Variants in MAP7D3 observed in about 807,000 individuals in gnomAD.
The protein encoded by MAP7D3 is MAP7 domain-containing protein 3.
In MAP7D3, 45 loss-of-function variants were observed where a neutral mutation model predicts 62.2. The observed-to-expected ratio is 0.72, with a 90% CI of 0.57 to 0.93. MAP7D3 has a LOEUF of 0.93. Among genes scored for constraint, MAP7D3 ranks in the 40% least tolerant of loss-of-function variants. The probability of loss-of-function intolerance (pLI) is 0.00; values close to 1 mark genes in which losing one functional copy is unlikely to be tolerated. For missense variants in MAP7D3, 711 were observed against 683.1 expected, an observed-to-expected ratio of 1.04 and a Z score of -0.45; for synonymous variants, 288 against 248.8, an observed-to-expected ratio of 1.16 and a Z score of -1.48.
At chrX:136,236,676 T>C (rs1360121273) in intron 6 of MAP7D3, among the ~76,000 whole-genome samples, 2 of 112,148 alleles carry the variant, frequency 1.8e-5, no homozygotes, top group African/African-American at 3.2e-5. Flanking sequence ...TTTTGTTATA[T>C]ATGCATATAT....
At chrX:136,253,047 G>A (rs1204960088), upstream of MAP7D3, among the ~76,000 whole-genome samples, 2 of 110,069 alleles carry the variant, frequency 1.8e-5, no homozygotes, top group South Asian at 3.9e-4. Flanking sequence ...GCAGTGAGCC[G>A]AGAGCTGCCA....
chrX:136,230,720 CT>C, intron 9 of MAP7D3, 118 bp downstream of exon 9: 2 of 928,460 alleles, frequency 2.2e-6, no homozygotes, highest in Non-Finnish European at 3.0e-6. Context: ...TTTTTACAGG[CT>C]TTTTTCCCTT....
chrX:136,244,098 G>A (rs150270617), intron 4 of MAP7D3, among the ~76,000 whole-genome samples: 18 of 111,648 alleles, frequency 1.6e-4, no homozygotes, highest in African/African-American at 5.2e-4. Flanking sequence ...GGAATGTGAG[G>A]AACACGGAGA....
intron 6 of MAP7D3, among the ~76,000 whole-genome samples, chrX:136,237,541 T>C (rs975464558): frequency 8.9e-6 from 1 of 112,331 alleles, no homozygotes; most frequent in Non-Finnish European, 1.9e-5. Context: ...TCATTAATTA[T>C]AGCATTCATC....
At chrX:136,241,465 T>C (rs528142905) in intron 4 of MAP7D3, among the ~76,000 whole-genome samples, 188 bp from the exon 5 acceptor site, 3 of 112,215 alleles carry the variant, frequency 2.7e-5, no homozygotes, top group African/African-American at 9.7e-5. Context: ...TTTTATCTTA[T>C]GGACCTTGCA....
At chrX:136,224,938 T>C in intron 13 of MAP7D3, 58 bp from the exon 14 acceptor site, 3 of 818,367 alleles carry the variant, frequency 3.7e-6, no homozygotes, top group Non-Finnish European at 5.4e-6. Context: ...CAAACAGTTG[T>C]CCTAAAGGAG....
chrX:136,215,447 G>A (rs965728230), downstream of MAP7D3, among the ~76,000 whole-genome samples: 1 of 111,911 alleles, frequency 8.9e-6, no homozygotes, highest in African/African-American at 3.3e-5. Flanking sequence ...AATGTCTGAC[G>A]GTCTGTCACT....
chrX:136,217,569 G>C lies in MAP7D3; in HGVS notation c.*957C>G, dbSNP rs2074074715. On this transcript the variant is annotated 3_prime_UTR_variant, in exon 19 of 19. Transcript: ENST00000316077. Reference sequence around the variant, plus strand: ...GCCTGTGTACTCACTGGCACAGATGGGTAGAGTTAAAAATATACATATATC... The same window carrying C: ...GCCTGTGTACTCACTGGCACAGATGCGTAGAGTTAAAAATATACATATATC... The C allele has an allele frequency of 8.9e-6, 1 of 111,784 alleles. No individual in the cohort carries two copies. Among genetic ancestry groups the C allele is most frequent in the Admixed American group, 9.5e-5 (1 of 10,523 alleles). 9.2% of individuals were successfully genotyped at this position (111,784 alleles called of 1,213,427 possible).
intron 12 of MAP7D3, among the ~76,000 whole-genome samples, chrX:136,226,744 G>A (rs1032546521): frequency 1.8e-5 from 2 of 111,908 alleles, no homozygotes; most frequent in African/African-American, 3.3e-5. Context: ...GCTGTTTTCT[G>A]CTTATTTCAC....
At chrX:136,216,016 C>T (rs1177517598), downstream of MAP7D3, among the ~76,000 whole-genome samples, 4 of 111,038 alleles carry the variant, frequency 3.6e-5, no homozygotes, top group Admixed American at 9.6e-5. Context: ...TGAATATACA[C>T]TTTAAAATGG....
At position 136,228,689 on chromosome X, in the gene MAP7D3, C is replaced by T. The variant is rs539743928; in HGVS notation, c.1820G>A (p.Arg607His). 2.0e-5 allele frequency: 24 copies of T among 1,205,477 alleles called. No individual in the cohort carries two copies. In the South Asian group the frequency reaches 2.1e-4, roughly 11 times the overall value. The change falls in exon 11 of 19, where the codon CGC (arginine) becomes CAC (histidine). Residue 607 changes from arginine to histidine, a missense_variant. Physicochemically the swap from Arg to His is conservative, Grantham distance 29. Coordinates refer to ENST00000316077, the MANE Select transcript of MAP7D3 (RefSeq NM_024597.4). The part of the protein sequence containing the change: ...EAATKILTEL[R>H]RLAREQREKE... ...TTCTCTTTGTTCACGAGCAAGGCGG[C>T]GCAATTCTGTCAAAATTTTTGTTGC...
At chrX:136,240,540 T>C in intron 5 of MAP7D3, 54 bp from the exon 6 acceptor site, 1 of 822,712 alleles carries the variant, frequency 1.2e-6, no homozygotes, top group Non-Finnish European at 1.8e-6. Context: ...GAAAGAATCA[T>C]TAACTGAAAA....
intron 12 of MAP7D3, 102 bp downstream of exon 12, chrX:136,227,182 T>C (rs1052748707): frequency 1.6e-6 from 1 of 636,919 alleles, no homozygotes; most frequent in Non-Finnish European, 2.4e-6. Context: ...CCAGAGAATC[T>C]GCTCATGTCT....
In MAP7D3 at chrX:136,237,093, T is replaced by C. The variant is rs777624370; in HGVS notation, c.641-754A>G. Among the ~76,000 whole-genome samples the C allele has an allele frequency of 1.4e-4, 16 of 112,833 alleles. 1 individual carries two copies. The South Asian group carries it at 5.4e-3, about 38-fold the overall frequency. ...ACCAAGGAGAAATAATCTGCTTCCA[T>C]GTAGACACTTTCATTTCACTTGAGA... On this transcript the variant is annotated intron_variant, in intron 6 of 18. Transcript: ENST00000316077.
intron 1 of MAP7D3, among the ~76,000 whole-genome samples, chrX:136,246,914 T>C (rs1342029424): frequency 8.9e-6 from 1 of 112,061 alleles, no homozygotes; most frequent in African/African-American, 3.2e-5. Context: ...AACTCACTTT[T>C]AGAAAATCAG....
At chrX:136,251,882 G>T (rs982254972), upstream of MAP7D3, among the ~76,000 whole-genome samples, 1 of 111,717 alleles carries the variant, frequency 9.0e-6, no homozygotes, top group Non-Finnish European at 1.9e-5. Context: ...GCCCCATCAT[G>T]AGTAGGCTTC....
chrX:136,239,779 G>A (rs1323642244), intron 6 of MAP7D3, among the ~76,000 whole-genome samples: 1 of 112,386 alleles, frequency 8.9e-6, no homozygotes, highest in Non-Finnish European at 1.9e-5. Context: ...GGTAGAATAT[G>A]AACTAATCTT....
intron 12 of MAP7D3, among the ~76,000 whole-genome samples, chrX:136,226,986 G>C (rs1240525104): frequency 1.8e-5 from 2 of 110,878 alleles, no homozygotes; most frequent in African/African-American, 6.6e-5. Flanking sequence ...AAACTGAGCT[G>C]AGCGTGGTGT....
chrX:136,225,814 A>G, intron 13 of MAP7D3, 95 bp downstream of exon 13: 6 of 549,727 alleles, frequency 1.1e-5, no homozygotes, highest in Admixed American at 3.5e-5. Flanking sequence ...GAACTAGCAT[A>G]TATCAGATTT....
Sources: gnomAD v4.1 joint callset for allele counts (sites outside exome capture counted in the v4.1 genomes callset) on GRCh38, gnomAD v4.1.1 for gene constraint, MANE v1.5 for transcripts, NCBI Gene and HGNC (gene_info 2026-07-23, HGNC 2026-07-21) for gene names.